Variants in CACNA1C observed in about 807,000 individuals in gnomAD.
CACNA1C encodes voltage-dependent L-type calcium channel subunit alpha-1C.
Under a neutral mutation model 229.0 loss-of-function variants are expected in CACNA1C, and 30 were observed. The ratio of observed to expected loss-of-function variants is 0.13; its 90% CI spans 0.10 to 0.18. The LOEUF (loss-of-function observed/expected upper bound fraction) is 0.18. Ranked by LOEUF, CACNA1C falls within the 10% of genes least tolerant of loss-of-function variation. The pLI, the probability that CACNA1C is intolerant of heterozygous loss-of-function variation, is 1.00. For missense variants in CACNA1C, 1,658 were observed against 2,845.0 expected (o/e 0.58, Z 9.49); for synonymous variants, 1,114 against 1,132.5 (o/e 0.98, Z 0.33).
intron 3 of CACNA1C, among the ~76,000 whole-genome samples, chr12:2,420,138 TG>T (rs1446725317): frequency 6.6e-6 from 1 of 150,508 alleles, no homozygotes; most frequent in Non-Finnish European, 1.5e-5. Context: ...TGTGTGTGTG[TG>T]TGTGTGTGTA....
intron 29 of CACNA1C, among the ~76,000 whole-genome samples, chr12:2,617,669 C>T (rs955219615): frequency 6.6e-6 from 1 of 152,146 alleles, no homozygotes; most frequent in Non-Finnish European, 1.5e-5. Context: ...ACAGGCCCTG[C>T]GGAGGGGAGA....
intron 1 of CACNA1C, among the ~76,000 whole-genome samples, chr12:2,095,579 G>A (rs116989975): frequency 0.016 from 2,402 of 152,284 alleles, 28 homozygotes; most frequent in South Asian, 0.038. Flanking sequence ...AAGTGCCCTC[G>A]GCCCGAGTCA....
chr12:2,587,057 G>A (rs979527555), intron 18 of CACNA1C, among the ~76,000 whole-genome samples: 4 of 152,334 alleles, frequency 2.6e-5, no homozygotes, highest in Non-Finnish European at 5.9e-5. Flanking sequence ...GGAAATGGGG[G>A]AAATTGAATA....
Position 2,490,352 on chromosome 12 carries a change from C to A in CACNA1C, c.917-2838C>A, listed in dbSNP as rs569367085. Among the ~76,000 whole-genome samples the A allele has an allele frequency of 6.3e-4, 96 of 152,348 alleles. No individual in the cohort carries two copies. In the South Asian group the frequency reaches 0.011, roughly 18 times the overall value. Reference sequence around the variant, plus strand: ...TGTGATGTTTCAGGAACTGAGAGTGCAGGGAATGCTGTCAGATGAGTGGTC... The same window carrying A: ...TGTGATGTTTCAGGAACTGAGAGTGAAGGGAATGCTGTCAGATGAGTGGTC... On this transcript the variant is annotated intron_variant, in intron 6 of 46. Coordinates refer to ENST00000399655, the MANE Select transcript of CACNA1C (RefSeq NM_000719.7).
intron 3 of CACNA1C, among the ~76,000 whole-genome samples, chr12:2,395,862 G>C (rs1215481992): frequency 1.3e-5 from 2 of 152,184 alleles, no homozygotes; most frequent in East Asian, 3.9e-4. Flanking sequence ...TCTGCCTTTG[G>C]TTGAGAAATT....
At chr12:2,618,798 A>G (rs2081952590) in intron 29 of CACNA1C, among the ~76,000 whole-genome samples, 1 of 152,216 alleles carries the variant, frequency 6.6e-6, no homozygotes, top group Admixed American at 6.5e-5. Flanking sequence ...AAGGATGCAC[A>G]CTGGAGCCCG....
chr12:2,332,689 T>C (rs182340301), intron 3 of CACNA1C, among the ~76,000 whole-genome samples: 1 of 152,222 alleles, frequency 6.6e-6, no homozygotes, highest in African/African-American at 2.4e-5. Flanking sequence ...TACCATGGAA[T>C]AGGATGTGCC....
At chr12:2,080,525 C>G (rs373075646) in intron 1 of CACNA1C, among the ~76,000 whole-genome samples, 2 of 151,108 alleles carry the variant, frequency 1.3e-5, no homozygotes, top group Admixed American at 6.6e-5. Context: ...GGCATGAACC[C>G]GGGAGGCGGA....
intron 3 of CACNA1C, chr12:2,217,534 C>A (rs935338788): frequency 2.6e-5 from 4 of 152,214 alleles, no homozygotes; most frequent in Non-Finnish European, 4.4e-5. Flanking sequence ...AAAATTACCA[C>A]TTGATATCTA....
In CACNA1C at chr12:2,479,514, T is replaced by G. The variant is rs2099657004; in HGVS notation, c.758-6590T>G. ...TGTTTGGATTTGGCTAAAGTTTATT[T>G]GGAAATACAGAAGGCATAACTTGCT... On this transcript the variant is annotated intron_variant, in intron 5 of 46. Transcript: ENST00000399655. This position sits in a 1 kb window ranked among gnomAD's most constrained non-coding sequence, Gnocchi z 4.3. Among the ~76,000 whole-genome samples, 1 of 152,366 alleles carries G rather than the reference T, an allele frequency of 6.6e-6. No individual in the cohort carries two copies. Among genetic ancestry groups the G allele is most frequent in the East Asian group, 1.9e-4 (1 of 5,186 alleles).
intron 5 of CACNA1C, among the ~76,000 whole-genome samples, chr12:2,474,317 A>AGG (rs2099609677): frequency 6.6e-6 from 1 of 152,194 alleles, no homozygotes; most frequent in Non-Finnish European, 1.5e-5. Flanking sequence ...GGCTCTGTCA[A>AGG]GGGTTTGGCA....
intron 1 of CACNA1C, among the ~76,000 whole-genome samples, chr12:1,977,033 T>C (rs1181808349): frequency 6.6e-6 from 1 of 152,222 alleles, no homozygotes; most frequent in African/African-American, 2.4e-5. Flanking sequence ...CCCTCAGTTA[T>C]CTCTGGGCAG....
At chr12:1,986,171 G>A (rs570090573) in intron 1 of CACNA1C, among the ~76,000 whole-genome samples, 1 of 152,280 alleles carries the variant, frequency 6.6e-6, no homozygotes, top group South Asian at 2.1e-4. Flanking sequence ...GTCTGAATTT[G>A]GAATAATGGT....
Position 2,634,288 on chromosome 12 carries a change from C to G in CACNA1C, c.3829-9C>G. ...TTCTCTCTCTCCCCGGCTGCTCTGC[C>G]CCATGCAGCACTATTTCTGTGATGC... On this transcript the variant is annotated splice_polypyrimidine_tract_variant and intron_variant, in intron 29 of 46. Coordinates refer to ENST00000399655, the MANE Select transcript of CACNA1C (RefSeq NM_000719.7). 2 of 1,524,222 alleles carry G rather than the reference C, an allele frequency of 1.3e-6. No individual in the cohort carries two copies. The highest frequency in any genetic ancestry group is 8.9e-7 in the Non-Finnish European group (1 of 1,120,472). 94.4% of individuals were successfully genotyped at this position (1,524,222 alleles called of 1,614,324 possible). A position where few individuals can be genotyped will look rare whatever the true frequency, so the allele number is the denominator to read the frequency against.
At position 2,605,267 on chromosome 12, in the gene CACNA1C, C is replaced by A; in HGVS notation, c.3048+99C>A. 1.2e-6 allele frequency: 1 copy of A among 806,126 alleles called. No individual in the cohort carries two copies. The highest frequency in any genetic ancestry group is 1.5e-5 in the South Asian group (1 of 65,268). 49.9% of individuals were successfully genotyped at this position (806,126 alleles called of 1,614,324 possible). A position where few individuals can be genotyped will look rare whatever the true frequency, so the allele number is the denominator to read the frequency against. ...GGGTTGGAAGGAGATGATGGTCAGA[C>A]CAAGTGGCTGCCATGTGGGGTCCCG... On this transcript the variant is annotated intron_variant, in intron 23 of 46. Transcript: ENST00000399655. The surrounding 1 kb of genome is among the most constrained non-coding windows in gnomAD (Gnocchi z 6.2).
At chr12:2,209,825 G>A (rs1273288918) in intron 3 of CACNA1C, among the ~76,000 whole-genome samples, 1 of 152,160 alleles carries the variant, frequency 6.6e-6, no homozygotes, top group Non-Finnish European at 1.5e-5. Context: ...GATCCATCCA[G>A]TCCCTAAATC....
intron 5 of CACNA1C, among the ~76,000 whole-genome samples, chr12:2,459,759 G>A (rs769902299): frequency 3.3e-5 from 5 of 152,160 alleles, no homozygotes; most frequent in South Asian, 4.1e-4. Flanking sequence ...TAATGGTACC[G>A]CCAGTGTGTC....
At chr12:2,670,965 A>G (rs925821709) in intron 38 of CACNA1C, among the ~76,000 whole-genome samples, 3 of 151,672 alleles carry the variant, frequency 2.0e-5, no homozygotes, top group African/African-American at 7.3e-5. Context: ...CAATCACTCA[A>G]TCTGAAATGG....
Position 2,649,489 on chromosome 12 carries a change from T to C in CACNA1C, c.3945+982T>C, listed in dbSNP as rs1323405420. Among the ~76,000 whole-genome samples the C allele has an allele frequency of 6.6e-6, 1 of 152,188 alleles. No individual in the cohort carries two copies. ...CTACCCCGCTTCCTGGGGACTCTGC[T>C]TCTGGGATCAGCCATCTGGATCTGC... is the stretch of plus-strand genomic sequence containing the variant. On this transcript the variant is annotated intron_variant, in intron 31 of 46. Coordinates refer to ENST00000399655, the MANE Select transcript of CACNA1C (RefSeq NM_000719.7). This position sits in a 1 kb window ranked among gnomAD's most constrained non-coding sequence, Gnocchi z 4.4.
Sources: allele counts gnomAD v4.1 joint callset (sites outside exome capture counted in the v4.1 genomes callset), GRCh38; gene constraint gnomAD v4.1.1; non-coding constraint Gnocchi (gnomAD v3.1); transcripts MANE v1.5; gene names NCBI Gene and HGNC (gene_info 2026-07-23, HGNC 2026-07-21).